The following KALRN variants were observed in gnomAD, a reference collection of about 807,000 sequenced individuals.
KALRN encodes the protein kalirin RhoGEF kinase.
A neutral mutation model predicts 353.7 loss-of-function variants in KALRN; 70 were observed. The observed-to-expected ratio is 0.20, with a 90% CI of 0.16 to 0.24. KALRN has a LOEUF of 0.24. Among genes scored for constraint, KALRN ranks in the 10% least tolerant of loss-of-function variants. KALRN has a pLI of 1.00. For missense variants in KALRN, 2,791 were observed against 3,756.7 expected (o/e 0.74, Z 6.72); for synonymous variants, 1,391 against 1,434.8 (o/e 0.97, Z 0.69).
chr3:124,130,930 A>G (rs1162186372), intron 1 of KALRN, among the ~76,000 whole-genome samples: 1 of 152,182 alleles, frequency 6.6e-6, no homozygotes, highest in African/African-American at 2.4e-5. Context: ...AATGTGTGGG[A>G]CAGAGGTCAG....
chr3:124,447,637 C>T (rs2093884040), intron 21 of KALRN, among the ~76,000 whole-genome samples: 1 of 152,186 alleles, frequency 6.6e-6, no homozygotes, highest in South Asian at 2.1e-4. Context: ...AACATATGCT[C>T]TTCCCAGGTT....
intron 38 of KALRN, among the ~76,000 whole-genome samples, chr3:124,655,400 T>A (rs2083901024): frequency 6.6e-6 from 1 of 152,228 alleles, no homozygotes; most frequent in Non-Finnish European, 1.5e-5. Flanking sequence ...GGGGAAGTCC[T>A]TTCTGGCCTT....
intron 48 of KALRN, among the ~76,000 whole-genome samples, chr3:124,673,230 TAAAAAAA>T (rs11318691): frequency 1.3e-5 from 2 of 148,240 alleles, no homozygotes; most frequent in African/African-American, 4.9e-5. Flanking sequence ...AATAAAACTT[TAAAAAAA>T]AAAAAAAATT....
Position 124,133,788 on chromosome 3 carries a change from G to A in KALRN, c.74-94202G>A, listed in dbSNP as rs544045468. Among the ~76,000 whole-genome samples the A allele has an allele frequency of 3.3e-5, 5 of 152,100 alleles. 1 individual carries two copies. The highest frequency in any genetic ancestry group is 7.4e-5 in the Non-Finnish European group (5 of 68,006). ...AGGCAAAAAGAGTTTCAGGGCAGCC[G>A]GAATAGGACAACATGTTCCTAGTAT... is the stretch of plus-strand genomic sequence containing the variant. On this transcript the variant is annotated intron_variant, in intron 1 of 59. Coordinates refer to ENST00000682506, the MANE Select transcript of KALRN (RefSeq NM_001388419.1).
intron 1 of KALRN, among the ~76,000 whole-genome samples, chr3:124,199,822 A>C (rs1455624746): frequency 6.6e-6 from 1 of 152,162 alleles, no homozygotes; most frequent in Non-Finnish European, 1.5e-5. Flanking sequence ...AGGTGGGTGG[A>C]GTGAGGCAAG....
At chr3:124,202,227 G>A (rs759970582) in intron 1 of KALRN, among the ~76,000 whole-genome samples, 22 of 152,060 alleles carry the variant, frequency 1.4e-4, no homozygotes, top group Non-Finnish European at 2.8e-4. Flanking sequence ...TAGAGAAGTG[G>A]CAGCCACTTC....
At chr3:124,298,671 A>G (rs1032588906) in intron 5 of KALRN, 120 bp from the exon 6 acceptor site, 25 of 1,154,960 alleles carry the variant, frequency 2.2e-5, no homozygotes, top group Non-Finnish European at 3.2e-5. Flanking sequence ...ACTCAGAACA[A>G]TAACTGGTTC....
intron 1 of KALRN, among the ~76,000 whole-genome samples, chr3:124,174,544 C>T (rs1182965719): frequency 2.0e-5 from 3 of 152,252 alleles, no homozygotes; most frequent in African/African-American, 7.2e-5. Flanking sequence ...CCAAGCCAAG[C>T]TCCCTTCTTC....
chr3:124,585,925 C>T (rs1011074644), intron 34 of KALRN, among the ~76,000 whole-genome samples: 1 of 152,178 alleles, frequency 6.6e-6, no homozygotes, highest in African/African-American at 2.4e-5. Flanking sequence ...TAAACTTCAT[C>T]CAAGCCACCT....
chr3:124,179,036 G>A (rs1463096160), intron 1 of KALRN, among the ~76,000 whole-genome samples: 1 of 152,144 alleles, frequency 6.6e-6, no homozygotes. Flanking sequence ...GAGCCCAGGA[G>A]TTCAAGGCTA....
chr3:124,655,839 T>C (rs2150155298), intron 39 of KALRN, among the ~76,000 whole-genome samples, 172 bp downstream of exon 39: 1 of 152,336 alleles, frequency 6.6e-6, no homozygotes, highest in African/African-American at 2.4e-5. Context: ...ATTTTTCTTT[T>C]CCCCTTGAAA....
rs2039084742 is a variant in KALRN at position 124,033,543 on chromosome 3, C to T, written c.-198C>T. On this transcript the variant is annotated 5_prime_UTR_variant, in exon 1 of 60. Coordinates refer to ENST00000682506, the MANE Select transcript of KALRN (RefSeq NM_001388419.1). The surrounding 1 kb of genome is among the most constrained non-coding windows in gnomAD (Gnocchi z 6.2). ...GCTGGCGGCAGGCACCCCCAGCCCG[C>T]CGCGCGCCTCCGCCTGAGGGAGGCT... Among the ~76,000 whole-genome samples the T allele has an allele frequency of 6.6e-6, 1 of 151,642 alleles. No homozygotes were observed. The highest frequency in any genetic ancestry group is 2.4e-5 in the African/African-American group (1 of 41,354).
intron 3 of KALRN, among the ~76,000 whole-genome samples, chr3:124,259,782 G>T (rs2072579102): frequency 6.6e-6 from 1 of 152,136 alleles, no homozygotes; most frequent in South Asian, 2.1e-4. Context: ...TTATCCAGAT[G>T]GTAATAAGTG....
chr3:124,422,970 G>A lies in KALRN; in HGVS notation c.2701G>A (p.Val901Ile). ...CCAATTACGTCACCTCCAGGCTGAAGTCAAACAGGTAAGCCCAGCCCTTCT... is the reference window on the plus strand; with the variant it reads ...CCAATTACGTCACCTCCAGGCTGAAATCAAACAGGTAAGCCCAGCCCTTCT... Reference protein sequence around the residue: ...CLQLRHLQAEVKQVLGWIRNG... With the variant: ...CLQLRHLQAEIKQVLGWIRNG... Residue 901 changes from valine to isoleucine, a missense_variant, in exon 15 of 60, where the codon GTC (valine) becomes ATC (isoleucine). Coordinates refer to ENST00000682506, the MANE Select transcript of KALRN (RefSeq NM_001388419.1). 6.2e-7 allele frequency: 1 copy of A among 1,613,542 alleles called. No homozygotes were observed. Among genetic ancestry groups the A allele is most frequent in the South Asian group, 1.1e-5 (1 of 91,038 alleles).
chr3:124,350,842 A>G (rs1232273815), intron 10 of KALRN, among the ~76,000 whole-genome samples: 1 of 152,194 alleles, frequency 6.6e-6, no homozygotes, highest in Non-Finnish European at 1.5e-5. Flanking sequence ...AGCAGATGTG[A>G]GCTACAAAGG....
intron 6 of KALRN, among the ~76,000 whole-genome samples, chr3:124,301,452 A>G (rs2149234698): frequency 6.6e-6 from 1 of 152,306 alleles, no homozygotes; most frequent in South Asian, 2.1e-4. Context: ...CAGCACTCAG[A>G]GGCTTCCTTG....
intron 1 of KALRN, among the ~76,000 whole-genome samples, chr3:124,131,179 A>G (rs1319036520): frequency 2.0e-5 from 3 of 152,206 alleles, no homozygotes; most frequent in African/African-American, 4.8e-5. Context: ...AGTGTCTTCT[A>G]TATGTCTGAA....
At chr3:124,712,493 T>TA (rs1638375867) in intron 57 of KALRN, among the ~76,000 whole-genome samples, 1 of 151,722 alleles carries the variant, frequency 6.6e-6, no homozygotes, top group African/African-American at 2.4e-5. Context: ...AATGTTGGTT[T>TA]AAAAAATTAC....
At chr3:124,465,613 C>A (rs956925485) in intron 25 of KALRN, among the ~76,000 whole-genome samples, 1 of 152,102 alleles carries the variant, frequency 6.6e-6, no homozygotes, top group African/African-American at 2.4e-5. Context: ...ATGCAGTTGT[C>A]CTAATACTTA....
Sources: gnomAD v4.1 joint callset for allele counts (sites outside exome capture counted in the v4.1 genomes callset) on GRCh38, gnomAD v4.1.1 for gene constraint, Gnocchi (gnomAD v3.1) non-coding constraint, MANE v1.5 for transcripts, NCBI Gene and HGNC (gene_info 2026-07-23, HGNC 2026-07-21) for gene names.